DET1: variants seen among roughly 807,000 people sequenced by gnomAD.
The protein encoded by DET1 is DET1 partner of COP1 E3 ubiquitin ligase.
DET1 carries 22 observed loss-of-function variants against 43.7 expected under a neutral mutation model. The ratio of observed to expected loss-of-function variants is 0.50; its 90% CI spans 0.36 to 0.72. The LOEUF is 0.72. DET1 is among the 30% of genes least tolerant of loss of function. The pLI, the probability that DET1 is intolerant of heterozygous loss-of-function variation, is 0.00. For synonymous variants in DET1, 315 were observed against 266.2 expected (o/e 1.18, Z -1.79); for missense variants, 713 against 713.3 (o/e 1.00, Z 0.00).
chr15:88,535,168 C>G (rs1029119766), intron 1 of DET1, among the ~76,000 whole-genome samples: 2 of 152,194 alleles, frequency 1.3e-5, no homozygotes, highest in African/African-American at 4.8e-5. Context: ...ATACAAAACT[C>G]TTCTAGCTTC....
At chr15:88,536,489 G>A (rs78488722) in intron 1 of DET1, 10,269 of 555,064 alleles carry the variant, frequency 0.019, 139 homozygotes, top group Non-Finnish European at 0.024. Flanking sequence ...AGTAAAAGAG[G>A]AACAAACTGG....
Position 88,530,705 on chromosome 15 carries a change from A to G in DET1, c.1001T>C (p.Met334Thr). The change falls in exon 2 of 5, where the codon ATG (methionine) becomes ACG (threonine). Residue 334 changes from methionine to threonine, a missense_variant. Met to Thr is a moderately conservative substitution (Grantham distance 81). Transcript: ENST00000268148. ...DQLRQLRMWK[M>T]QLLDENHLFI... ...CAGGTGGTTTTCATCCAGAAGCTGC[A>G]TTTTCCACATTCGCAGCTGCCGCAG... 1 of 1,614,012 alleles carries G rather than the reference A, an allele frequency of 6.2e-7. No homozygotes were observed. The highest frequency in any genetic ancestry group is 8.5e-7 in the Non-Finnish European group (1 of 1,179,896).
At chr15:88,536,951 G>A (rs2056968965) in intron 1 of DET1, among the ~76,000 whole-genome samples, 1 of 152,116 alleles carries the variant, frequency 6.6e-6, no homozygotes, top group Admixed American at 6.5e-5. Flanking sequence ...AAGCAGGGGA[G>A]CGATTGGATC....
At position 88,531,507 on chromosome 15, in the gene DET1, G is replaced by C; in HGVS notation, c.199C>G (p.Pro67Ala). 1.2e-6 allele frequency: 2 copies of C among 1,614,004 alleles called. No homozygotes were observed. The highest frequency in any genetic ancestry group is 1.7e-6 in the Non-Finnish European group (2 of 1,179,900). ...KPPCFLRKFS[P>A]DGRYFIAFSS... The stretch of plus-strand genomic sequence containing the variant: ...AAAGCAATAAAGTAGCGTCCATCAG[G>C]TGAGAATTTACGCAAGAAACAAGGA... Residue 67 changes from proline (P) to alanine (A), a missense_variant, in exon 2 of 5, where the codon CCT becomes GCT. By Grantham distance (27) the Pro-to-Ala change is conservative (BLOSUM62 -1). Coordinates refer to ENST00000268148, the MANE Select transcript of DET1 (RefSeq NM_001144074.3). This position sits in a 1 kb window ranked among gnomAD's most constrained non-coding sequence, Gnocchi z 6.2.
At chr15:88,519,116 G>A (rs2056422891) in intron 3 of DET1, among the ~76,000 whole-genome samples, 1 of 152,118 alleles carries the variant, frequency 6.6e-6, no homozygotes, top group African/African-American at 2.4e-5. Flanking sequence ...AAATGATGGG[G>A]GCTGGCTCAC....
chr15:88,532,920 C>A (rs1474869369), intron 1 of DET1, among the ~76,000 whole-genome samples: 1 of 152,048 alleles, frequency 6.6e-6, no homozygotes, highest in African/African-American at 2.4e-5. Context: ...CATAGGCGAC[C>A]AAGACAAAAA....
At chr15:88,520,369 C>T (rs2056457095) in intron 3 of DET1, among the ~76,000 whole-genome samples, 1 of 152,216 alleles carries the variant, frequency 6.6e-6, no homozygotes. Context: ...TTCACCCCTA[C>T]TATCTCACTC....
At chr15:88,528,890 G>C (rs1206447876) in intron 2 of DET1, among the ~76,000 whole-genome samples, 3 of 152,204 alleles carry the variant, frequency 2.0e-5, no homozygotes, top group Non-Finnish European at 4.4e-5. Flanking sequence ...AAATTAAAGA[G>C]GCTAGAGGGT....
At chr15:88,526,009 C>A (rs1044976808) in intron 3 of DET1, among the ~76,000 whole-genome samples, 1 of 151,806 alleles carries the variant, frequency 6.6e-6, no homozygotes, top group Non-Finnish European at 1.5e-5. Flanking sequence ...AATTTTGAAG[C>A]AAATTTTAAA....
At chr15:88,519,295 T>C (rs911482984) in intron 3 of DET1, among the ~76,000 whole-genome samples, 3 of 152,136 alleles carry the variant, frequency 2.0e-5, no homozygotes, top group African/African-American at 7.2e-5. Context: ...TGTCACTCTG[T>C]CCAGCTATAC....
intron 3 of DET1, among the ~76,000 whole-genome samples, chr15:88,518,440 T>C (rs2056405783): frequency 6.6e-6 from 1 of 152,156 alleles, no homozygotes; most frequent in South Asian, 2.1e-4. Flanking sequence ...TTATCACATT[T>C]ACAAATAAAA....
At chr15:88,541,503 G>A (rs1391406976) in intron 1 of DET1, among the ~76,000 whole-genome samples, 1 of 152,018 alleles carries the variant, frequency 6.6e-6, no homozygotes, top group African/African-American at 2.4e-5. Context: ...GGTGTGTAGG[G>A]GCAACCCACC....
chr15:88,518,614 A>C (rs1567060081), intron 3 of DET1, among the ~76,000 whole-genome samples: 1 of 152,202 alleles, frequency 6.6e-6, no homozygotes, highest in Admixed American at 6.5e-5. Context: ...GCTTCTTAGA[A>C]AGAATGTCAA....
rs1183911615 is a variant in DET1, at chr15:88,531,445, G to T, written c.261C>A (p.Tyr87Ter). Residue 87 changes from tyrosine to a stop codon, truncating the protein, a stop_gained, in exon 2 of 5, where the codon TAC becomes TAA. Coordinates refer to ENST00000268148, the MANE Select transcript of DET1 (RefSeq NM_001144074.3). LOFTEE classifies it high-confidence loss of function. The surrounding 1 kb of genome is among the most constrained non-coding windows in gnomAD (Gnocchi z 6.2). ...GGTCCTCTGCTGCCTGGCAGCCCTG[G>T]TACTCATAGATTTCAAGAGATGTCT... is the stretch of plus-strand genomic sequence containing the variant. ...SDQTSLEIYE[Y>*]QGCQAAEDLL... is the part of the protein sequence containing the mutation. The T allele has an allele frequency of 6.2e-7, 1 of 1,614,018 alleles. No homozygotes were observed. The highest frequency in any genetic ancestry group is 2.2e-5 in the East Asian group (1 of 44,886).
At chr15:88,513,214 A>C in intron 4 of DET1, 74 bp from the exon 5 acceptor site, 1 of 1,439,298 alleles carries the variant, frequency 6.9e-7, no homozygotes, top group Admixed American at 2.4e-5. Flanking sequence ...AAATCTAGAC[A>C]GCAGGGGAAT....
chr15:88,524,079 T>C (rs7178012), intron 3 of DET1, among the ~76,000 whole-genome samples: 103,270 of 148,434 alleles, frequency 0.7, 36,035 homozygotes, highest in South Asian at 0.8. Context: ...TGGGGAGCGC[T>C]TCTGCCCCGC....
intron 3 of DET1, among the ~76,000 whole-genome samples, chr15:88,524,314 G>T (rs1292926034): frequency 1.3e-5 from 2 of 151,500 alleles, no homozygotes; most frequent in Non-Finnish European, 2.9e-5. Flanking sequence ...GAGCGTCTCC[G>T]CCCAGCAGCT....
intron 3 of DET1, among the ~76,000 whole-genome samples, chr15:88,523,972 G>A (rs1231913655): frequency 2.0e-5 from 3 of 150,880 alleles, no homozygotes; most frequent in Non-Finnish European, 2.9e-5. Flanking sequence ...CCACCCGGCC[G>A]CCATCCCATC....
At position 88,516,433 on chromosome 15, in the gene DET1, T is replaced by C. The variant is rs1567058822; in HGVS notation, c.1463+349A>G. Among the ~76,000 whole-genome samples, 1 of 152,218 alleles carries C rather than the reference T, an allele frequency of 6.6e-6. No homozygotes were observed. ...TATGAGGTAACATGGCGGGATAAAATAATTTGTGTTAGATACATAATTATA... is the reference window on the plus strand; with the variant it reads ...TATGAGGTAACATGGCGGGATAAAACAATTTGTGTTAGATACATAATTATA... On this transcript the variant is annotated intron_variant, in intron 4 of 4. Coordinates refer to ENST00000268148, the MANE Select transcript of DET1 (RefSeq NM_001144074.3). This position sits in a 1 kb window ranked among gnomAD's most constrained non-coding sequence, Gnocchi z 4.4.
Sources: allele counts gnomAD v4.1 joint callset (sites outside exome capture counted in the v4.1 genomes callset), GRCh38; gene constraint gnomAD v4.1.1; non-coding constraint Gnocchi (gnomAD v3.1); transcripts MANE v1.5; gene names NCBI Gene and HGNC (gene_info 2026-07-23, HGNC 2026-07-21).